EHBP1: variants seen among roughly 807,000 people sequenced by gnomAD.
EHBP1 encodes EH domain binding protein 1.
EHBP1 carries 55 observed loss-of-function variants against 144.0 expected under a neutral mutation model. The observed-to-expected ratio is 0.38, with a 90% confidence interval of 0.31 to 0.48. The LOEUF (loss-of-function observed/expected upper bound fraction) is 0.48, where lower values mean the gene tolerates loss of function less well. Ranked by LOEUF, EHBP1 falls within the 20% of genes least tolerant of loss-of-function variation. The pLI, the probability that EHBP1 is intolerant of heterozygous loss-of-function variation, is 0.98. For synonymous variants in EHBP1, 469 were observed against 472.7 expected (o/e 0.99, Z 0.10); for missense variants, 1,200 against 1,364.2 (o/e 0.88, Z 1.90).
chr2:62,731,902 T>C (rs1212369363), intron 2 of EHBP1, among the ~76,000 whole-genome samples: 8 of 152,186 alleles, frequency 5.3e-5, no homozygotes, highest in Admixed American at 5.2e-4. Context: ...AAGGGAAGTC[T>C]ATTGGTGATA....
At chr2:62,864,697 C>T in intron 8 of EHBP1, 34 bp from the exon 9 acceptor site, 1 of 1,575,306 alleles carries the variant, frequency 6.3e-7, no homozygotes, top group Middle Eastern at 1.7e-4. Flanking sequence ...ATATGGTATT[C>T]ATGTGATTTA....
chr2:62,989,896 T>C (rs2153222221), intron 15 of EHBP1, among the ~76,000 whole-genome samples: 1 of 152,240 alleles, frequency 6.6e-6, no homozygotes, highest in East Asian at 1.9e-4. Context: ...AGAGAAGCCT[T>C]GCAATATAAA....
At chr2:62,780,393 C>T (rs1313238647) in intron 5 of EHBP1, among the ~76,000 whole-genome samples, 1 of 151,972 alleles carries the variant, frequency 6.6e-6, no homozygotes, top group African/African-American at 2.4e-5. Context: ...ATAGATATGA[C>T]TAGGAGCTAA....
chr2:63,016,720 C>T lies in EHBP1; in HGVS notation c.3103+19954C>T, dbSNP rs568415242. On this transcript the variant is annotated intron_variant, in intron 19 of 22. Transcript: ENST00000431489. The stretch of plus-strand genomic sequence containing the variant: ...TGCTGGGATTACAGGCATGAGCCAT[C>T]GCGCCCAGCCTGAAATTATGTTTTA... 1.2e-3 allele frequency among the ~76,000 whole-genome samples: 185 copies of T among 152,124 alleles called. 2 individuals are homozygous for T. In the South Asian group the frequency reaches 0.031, roughly 25 times the overall value.
intron 14 of EHBP1, among the ~76,000 whole-genome samples, chr2:62,970,694 G>T (rs2058459473): frequency 6.6e-6 from 1 of 152,072 alleles, no homozygotes; most frequent in African/African-American, 2.4e-5. Context: ...ATTTTTATTT[G>T]ATTCTTAAGA....
In EHBP1 at chr2:62,797,512, G is replaced by T. The variant is rs538956543; in HGVS notation, c.312+26120G>T. Among the ~76,000 whole-genome samples, 11 of 152,270 alleles carry T rather than the reference G, an allele frequency of 7.2e-5. No individual in the cohort carries two copies. The South Asian group carries it at 1.5e-3, about 20-fold the overall frequency. ...ACTACCTGTTAGTGTACTTATCTTT[G>T]CTACTGTGTTAATGAATAAATAAAA... On this transcript the variant is annotated intron_variant, in intron 5 of 22. Transcript: ENST00000431489.
At chr2:62,952,904 T>C (rs552216158) in intron 13 of EHBP1, among the ~76,000 whole-genome samples, 1 of 152,312 alleles carries the variant, frequency 6.6e-6, no homozygotes, top group African/African-American at 2.4e-5. Context: ...TTCAGGAATT[T>C]TTCCTAAGGA....
chr2:62,703,216 A>C (rs1183017911), upstream of EHBP1, among the ~76,000 whole-genome samples: 1 of 151,936 alleles, frequency 6.6e-6, no homozygotes, highest in African/African-American at 2.4e-5. Flanking sequence ...AAAAAAAAAA[A>C]ATTAGCCAGT....
chr2:62,939,035 G>A (rs1470655033), intron 10 of EHBP1, among the ~76,000 whole-genome samples: 2 of 152,164 alleles, frequency 1.3e-5, no homozygotes, highest in Non-Finnish European at 2.9e-5. Context: ...TTTACTGAGT[G>A]CCTATGCTGT....
In EHBP1 at chr2:62,831,243, T is replaced by C. The variant is rs964467844; in HGVS notation, c.634+85T>C. On this transcript the variant is annotated intron_variant, in intron 7 of 22. Coordinates refer to ENST00000431489, the MANE Select transcript of EHBP1 (RefSeq NM_001142616.3). ...TTCTCATTTCCCAGGAAAAAACAAT[T>C]CTACTTATTGGGTTTCTTTTTTTTT... The C allele has an allele frequency of 5.3e-6, 7 of 1,332,588 alleles. No individual in the cohort carries two copies. In the African/African-American group the frequency reaches 1.1e-4, roughly 21 times the overall value. 82.5% of individuals were successfully genotyped at this position (1,332,588 alleles called of 1,614,324 possible).
At chr2:62,880,755 A>G (rs947005418) in intron 10 of EHBP1, among the ~76,000 whole-genome samples, 1 of 152,198 alleles carries the variant, frequency 6.6e-6, no homozygotes, top group African/African-American at 2.4e-5. Flanking sequence ...AAAAAATAAC[A>G]GTTGCTGGTG....
chr2:63,028,563 C>T (rs540992402), intron 19 of EHBP1, among the ~76,000 whole-genome samples: 1 of 152,176 alleles, frequency 6.6e-6, no homozygotes, highest in African/African-American at 2.4e-5. Flanking sequence ...CCACCACCCC[C>T]AGCCAATTTG....
In EHBP1 at chr2:62,720,886, G is replaced by GT. The variant is rs543650962; in HGVS notation, c.104+13593dup. On this transcript the variant is annotated intron_variant, in intron 2 of 22. Transcript: ENST00000431489. ...GCTTTAAGAAAGTTTGTGATTTTGTGTTGGGCCGCAGTTTGGACAAGCTTG... is the reference window on the plus strand; with the variant it reads ...GCTTTAAGAAAGTTTGTGATTTTGTGTTTGGGCCGCAGTTTGGACAAGCTTG... Among the ~76,000 whole-genome samples the GT allele has an allele frequency of 1.0e-3, 153 of 152,230 alleles. 1 individual carries two copies. The highest frequency in any genetic ancestry group is 3.6e-3 in the African/African-American group (150 of 41,540).
chr2:62,778,968 A>G (rs1489759116), intron 5 of EHBP1, among the ~76,000 whole-genome samples: 3 of 152,050 alleles, frequency 2.0e-5, no homozygotes, highest in African/African-American at 7.2e-5. Context: ...TTTCTCCTGT[A>G]GCTCCAAACT....
chr2:62,913,841 A>G (rs1458433389), intron 10 of EHBP1, among the ~76,000 whole-genome samples: 1 of 152,176 alleles, frequency 6.6e-6, no homozygotes, highest in Non-Finnish European at 1.5e-5. Context: ...GTAAAGCATA[A>G]CTCCTCAATA....
chr2:62,681,359 T>TATATATATATATATATATATATATATAA (rs1553363754), intron 1 of EHBP1, among the ~76,000 whole-genome samples: 66 of 78,322 alleles, frequency 8.4e-4, no homozygotes, highest in African/African-American at 3.2e-3. Flanking sequence ...TATATATATA[T>TATATATATATATATATATATATATATAA]AATGTGTATA....
At chr2:62,741,392 C>T (rs1341430439) in intron 2 of EHBP1, among the ~76,000 whole-genome samples, 1 of 152,106 alleles carries the variant, frequency 6.6e-6, no homozygotes, top group East Asian at 1.9e-4. Context: ...AAAGTTATTA[C>T]TTCCCCTTTC....
intron 2 of EHBP1, among the ~76,000 whole-genome samples, chr2:62,726,941 C>T (rs1042901010): frequency 2.6e-5 from 4 of 151,918 alleles, no homozygotes; most frequent in Admixed American, 2.0e-4. Context: ...CGGCTCACTG[C>T]GACTTCCACC....
chr2:62,840,189 C>T (rs1321221475), intron 7 of EHBP1, among the ~76,000 whole-genome samples: 4 of 149,428 alleles, frequency 2.7e-5, no homozygotes, highest in African/African-American at 7.4e-5. Flanking sequence ...ACGCCGCATA[C>T]CTACAACTAT....
Sources: gnomAD v4.1 joint callset for allele counts (sites outside exome capture counted in the v4.1 genomes callset) on GRCh38, gnomAD v4.1.1 for gene constraint, MANE v1.5 for transcripts, NCBI Gene and HGNC (gene_info 2026-07-23, HGNC 2026-07-21) for gene names.